The following PCDHA1 variants were observed in gnomAD, a reference collection of about 807,000 sequenced individuals.
The protein encoded by PCDHA1 is protocadherin alpha 1.
In PCDHA1, 42 loss-of-function variants were observed where a neutral mutation model predicts 61.3. The observed-to-expected ratio is 0.69, with a 90% confidence interval of 0.54 to 0.89. The LOEUF (loss-of-function observed/expected upper bound fraction) is 0.89, where lower values mean the gene tolerates loss of function less well. PCDHA1 is among the 40% of genes least tolerant of loss of function. The pLI, the probability that PCDHA1 is intolerant of heterozygous loss-of-function variation, is 0.00. For synonymous variants in PCDHA1, 610 were observed against 553.8 expected, an observed-to-expected ratio of 1.10 and a Z score of -1.43; for missense variants, 1,256 against 1,235.3, an observed-to-expected ratio of 1.02 and a Z score of -0.25.
At chr5:140,863,138 T>C (rs781967810) in intron 1 of PCDHA1, 2 of 604,914 alleles carry the variant, frequency 3.3e-6, no homozygotes, top group Non-Finnish European at 6.4e-6. Context: ...CGCCTGCTGG[T>C]GCTGGTGAAG....
At chr5:140,972,132 A>C (rs1412850121) in intron 1 of PCDHA1, among the ~76,000 whole-genome samples, 9 of 152,062 alleles carry the variant, frequency 5.9e-5, no homozygotes, top group African/African-American at 2.2e-4. Context: ...TCAGTGAGTT[A>C]CTACTATTTT....
At chr5:140,870,135 T>C (rs781798788) in intron 1 of PCDHA1, 1 of 1,614,000 alleles carries the variant, frequency 6.2e-7, no homozygotes, top group Non-Finnish European at 8.5e-7. Context: ...ACACCAACGA[T>C]AACTCTCCTG....
intron 1 of PCDHA1, chr5:140,871,461 A>C: frequency 1.2e-6 from 2 of 1,605,278 alleles, no homozygotes; most frequent in South Asian, 2.2e-5. Flanking sequence ...AGGAAGGGGA[A>C]AGACAGGAGC....
intron 1 of PCDHA1, chr5:140,966,920 C>G: frequency 6.2e-7 from 1 of 1,602,674 alleles, no homozygotes; most frequent in Non-Finnish European, 8.5e-7. Flanking sequence ...GCCAGAGGAG[C>G]AGGCACCCGG....
At chr5:140,828,015 A>G (rs1769489590) in intron 1 of PCDHA1, 1 of 1,509,160 alleles carries the variant, frequency 6.6e-7, no homozygotes, top group African/African-American at 1.4e-5. Flanking sequence ...GAAATGGATT[A>G]ATAAATTCCG....
intron 1 of PCDHA1, among the ~76,000 whole-genome samples, chr5:140,975,632 A>G (rs1554236932): frequency 1.3e-5 from 2 of 152,216 alleles, no homozygotes; most frequent in African/African-American, 4.8e-5. Context: ...CATGGTACGA[A>G]GATAGCATAT....
chr5:140,853,320 T>G lies in PCDHA1; in HGVS notation c.2394+64636T>G, dbSNP rs375907981. 1.5e-5 allele frequency: 15 copies of G among 984,926 alleles called. 1 individual carries two copies. The highest frequency in any genetic ancestry group is 5.3e-4 in the Middle Eastern group (1 of 1,886). The allele number at this position is 984,926 out of a possible 1,614,324, so 61.0% of individuals were successfully genotyped here. On this transcript the variant is annotated intron_variant, in intron 1 of 3. Coordinates refer to ENST00000504120, the MANE Select transcript of PCDHA1 (RefSeq NM_018900.4). ...GGGCTGTGAACACCTTAGTAATAAA[T>G]TTATCTTTTGAGGTCATTAGCAAAC...
Position 140,788,351 on chromosome 5 carries a change from G to T in PCDHA1, c.2061G>T (p.Ala687=). ...KASSRASVGV[A]GPEAALVDVN... ...CTTCGCGGGCGTCGGTGGGTGTCGC[G>T]GGCCCAGAGGCGGCGCTGGTGGATG... Residue 687 remains alanine (A), a synonymous_variant, in exon 1 of 4, where the codon GCG becomes GCT. Transcript: ENST00000504120. 1 of 1,613,932 alleles carries T rather than the reference G, an allele frequency of 6.2e-7. No homozygotes were observed. The highest frequency in any genetic ancestry group is 8.5e-7 in the Non-Finnish European group (1 of 1,179,948).
chr5:140,906,963 G>A (rs150934602), intron 1 of PCDHA1, among the ~76,000 whole-genome samples: 2 of 152,098 alleles, frequency 1.3e-5, no homozygotes, highest in South Asian at 2.1e-4. Flanking sequence ...TAATGGAATC[G>A]TGGTTGTGTC....
chr5:140,859,471 T>TAG, intron 1 of PCDHA1: 1 of 211,266 alleles, frequency 4.7e-6, no homozygotes, highest in Non-Finnish European at 9.2e-6. Context: ...ACACTATCAA[T>TAG]TGTGTTTTCC....
At chr5:140,969,493 C>T (rs1240479958) in intron 1 of PCDHA1, 5 of 1,445,166 alleles carry the variant, frequency 3.5e-6, no homozygotes, top group Non-Finnish European at 4.6e-6. Flanking sequence ...GCTATTTCCT[C>T]TCTAGAAAAA....
rs2150270222 is a variant in PCDHA1 at position 140,836,801 on chromosome 5, A to C, written c.2394+48117A>C. On this transcript the variant is annotated intron_variant, in intron 1 of 3. Coordinates refer to ENST00000504120, the MANE Select transcript of PCDHA1 (RefSeq NM_018900.4). ...ACAATTAGTTCAATTGGTCTCCTTA[A>C]ATTTTCTTTCATAATTTCTTTTTTA... 27 of 1,338,446 alleles carry C rather than the reference A, an allele frequency of 2.0e-5. No homozygotes were observed. In the Admixed American group the frequency reaches 4.4e-4, roughly 22 times the overall value. 82.9% of individuals were successfully genotyped at this position (1,338,446 alleles called of 1,614,324 possible). A position where few individuals can be genotyped will look rare whatever the true frequency, so the allele number is the denominator to read the frequency against.
intron 1 of PCDHA1, chr5:140,802,136 T>C (rs782365037): frequency 1.2e-6 from 2 of 1,614,208 alleles, no homozygotes; most frequent in African/African-American, 1.3e-5. Context: ...TCGAGGAAAG[T>C]AAGTCATATG....
At chr5:140,977,379 C>T (rs921133722) in intron 1 of PCDHA1, among the ~76,000 whole-genome samples, 4 of 152,134 alleles carry the variant, frequency 2.6e-5, no homozygotes, top group African/African-American at 2.4e-5. Flanking sequence ...AGTCATATTT[C>T]CAGGTTTATA....
intron 3 of PCDHA1, among the ~76,000 whole-genome samples, chr5:140,999,199 A>G (rs1354176825): frequency 2.0e-5 from 3 of 152,228 alleles, no homozygotes; most frequent in Non-Finnish European, 4.4e-5. Context: ...CTTGGAAAAG[A>G]GAATTTCTGG....
At chr5:140,912,882 T>A (rs2153523481) in intron 1 of PCDHA1, among the ~76,000 whole-genome samples, 1 of 152,362 alleles carries the variant, frequency 6.6e-6, no homozygotes, top group South Asian at 2.1e-4. Context: ...TTGGTCTTCA[T>A]TCTGTTGATA....
At chr5:141,006,215 TA>T (rs200576602) in intron 3 of PCDHA1, among the ~76,000 whole-genome samples, 4 of 151,640 alleles carry the variant, frequency 2.6e-5, no homozygotes, top group South Asian at 2.1e-4. Flanking sequence ...CATTTTTTTT[TA>T]AATTTTTTAT....
intron 1 of PCDHA1, chr5:140,837,034 CA>C (rs1275665516): frequency 5.8e-5 from 13 of 223,608 alleles, no homozygotes; most frequent in South Asian, 2.6e-4. Context: ...AGTGTATTTA[CA>C]AAATCAAATA....
chr5:140,835,907 G>C, intron 1 of PCDHA1: 1 of 1,612,200 alleles, frequency 6.2e-7, no homozygotes, highest in Non-Finnish European at 8.5e-7. Flanking sequence ...CGAGCTACGT[G>C]TCAGTGCACG....
Sources: allele counts gnomAD v4.1 joint callset (sites outside exome capture counted in the v4.1 genomes callset), GRCh38; gene constraint gnomAD v4.1.1; transcripts MANE v1.5; gene names NCBI Gene and HGNC (gene_info 2026-07-23, HGNC 2026-07-21).